Variants in CSMD1 observed in about 807,000 individuals in gnomAD.
CSMD1 encodes the protein CUB and sushi domain-containing protein 1.
In CSMD1, 213 loss-of-function variants were observed where a neutral mutation model predicts 417.5. That is an observed-to-expected ratio of 0.51 (90% confidence interval 0.46 to 0.57). The LOEUF (loss-of-function observed/expected upper bound fraction) is 0.57, where lower values mean the gene tolerates loss of function less well. Among genes scored for constraint, CSMD1 ranks in the 20% least tolerant of loss-of-function variants. The pLI is 0.00. For synonymous variants in CSMD1, 2,862 were observed against 1,736.8 expected (o/e 1.65, Z -16.11); for missense variants, 6,923 against 4,529.7 (o/e 1.53, Z -15.17).
At chr8:3,474,843 C>G (rs926919620) in intron 11 of CSMD1, among the ~76,000 whole-genome samples, 4 of 152,028 alleles carry the variant, frequency 2.6e-5, no homozygotes, top group East Asian at 1.9e-4. Flanking sequence ...ACATATTGTT[C>G]TGATTTAAAC....
At chr8:2,940,923 G>C (rs1400467755) in intron 69 of CSMD1, among the ~76,000 whole-genome samples, 2 of 152,302 alleles carry the variant, frequency 1.3e-5, no homozygotes, top group Admixed American at 6.5e-5. Context: ...ATATGACCCA[G>C]AGGAACCCGT....
chr8:4,900,332 A>T (rs1343183987), intron 1 of CSMD1, among the ~76,000 whole-genome samples: 1 of 152,112 alleles, frequency 6.6e-6, no homozygotes, highest in African/African-American at 2.4e-5. Flanking sequence ...GAATAGCTAC[A>T]CCATTTGTCA....
chr8:4,560,803 G>C (rs1798295957), intron 2 of CSMD1, among the ~76,000 whole-genome samples: 1 of 152,164 alleles, frequency 6.6e-6, no homozygotes, highest in African/African-American at 2.4e-5. Context: ...ACTTCCTAAT[G>C]ATTCTGCCTG....
intron 2 of CSMD1, among the ~76,000 whole-genome samples, chr8:4,459,789 T>C (rs1156237398): frequency 6.6e-6 from 1 of 152,210 alleles, no homozygotes; most frequent in Non-Finnish European, 1.5e-5. Context: ...AATTAATTTT[T>C]GCTGTTTAAA....
In CSMD1 at chr8:3,025,324, G is replaced by A. The variant is rs143039111; in HGVS notation, c.7855+3995C>T. On this transcript the variant is annotated intron_variant, in intron 51 of 69. Coordinates refer to ENST00000635120, the MANE Select transcript of CSMD1 (RefSeq NM_033225.6). ...TATTGTCTGGTGTTATTCTGAAACC[G>A]TGTATTGTGTGCTGTTATTCTGATA... 2.2e-3 allele frequency among the ~76,000 whole-genome samples: 336 copies of A among 151,766 alleles called. 5 individuals are homozygous for A. Among genetic ancestry groups the A allele is most frequent in the Non-Finnish European group, 4.1e-3 (278 of 67,918 alleles).
intron 18 of CSMD1, among the ~76,000 whole-genome samples, chr8:3,385,218 C>A (rs1004380270): frequency 6.9e-5 from 10 of 145,000 alleles, no homozygotes; most frequent in Non-Finnish European, 4.5e-5. Context: ...AAATCATATA[C>A]ATATACATGC....
chr8:4,003,364 G>T (rs914075877), intron 4 of CSMD1, among the ~76,000 whole-genome samples: 2 of 151,990 alleles, frequency 1.3e-5, no homozygotes, highest in African/African-American at 4.8e-5. Context: ...CTGCACTCCA[G>T]CCTGGGCGAC....
rs1052115711 is a variant in CSMD1, at chr8:2,954,126, G to C, written c.10039+98C>G. 8.4e-6 allele frequency: 5 copies of C among 592,816 alleles called. No individual in the cohort carries two copies. In the African/African-American group the frequency reaches 9.8e-5, roughly 12 times the overall value. The allele number at this position is 592,816 out of a possible 1,614,324, so 36.7% of individuals were successfully genotyped here. Reference sequence around the variant, plus strand: ...ACATTAACTTGGTCGTGGACTAACGGATTCAGAAATTTAAATGTTGAAAAT... The same window carrying C: ...ACATTAACTTGGTCGTGGACTAACGCATTCAGAAATTTAAATGTTGAAAAT... On this transcript the variant is annotated intron_variant, in intron 65 of 69. Transcript: ENST00000635120.
At chr8:4,459,491 T>A (rs1057046626) in intron 2 of CSMD1, among the ~76,000 whole-genome samples, 1 of 152,294 alleles carries the variant, frequency 6.6e-6, no homozygotes, top group South Asian at 2.1e-4. Context: ...AAATCCAAGG[T>A]TGCTCTCAAA....
intron 8 of CSMD1, among the ~76,000 whole-genome samples, chr8:3,599,808 C>G (rs1801275708): frequency 6.6e-6 from 1 of 152,192 alleles, no homozygotes; most frequent in Non-Finnish European, 1.5e-5. Context: ...TTCCTCCTGT[C>G]TTTCATCAAA....
intron 6 of CSMD1, among the ~76,000 whole-genome samples, chr8:3,742,416 G>A (rs982100207): frequency 3.9e-5 from 6 of 152,306 alleles, no homozygotes; most frequent in African/African-American, 1.4e-4. Context: ...TGCAGAAAGA[G>A]TCAGTAAATT....
intron 1 of CSMD1, among the ~76,000 whole-genome samples, chr8:4,874,205 T>C (rs946361059): frequency 1.3e-5 from 2 of 152,108 alleles, no homozygotes; most frequent in African/African-American, 2.4e-5. Context: ...GTGTGATTAA[T>C]AAGATCAAGA....
chr8:4,900,372 C>T (rs1013759726), intron 1 of CSMD1, among the ~76,000 whole-genome samples: 1 of 152,164 alleles, frequency 6.6e-6, no homozygotes, highest in Non-Finnish European at 1.5e-5. Context: ...TGGAGCAACC[C>T]TTGACGAACC....
intron 1 of CSMD1, among the ~76,000 whole-genome samples, chr8:4,839,435 T>C (rs1370874106): frequency 6.6e-6 from 1 of 152,302 alleles, no homozygotes; most frequent in African/African-American, 2.4e-5. Context: ...TTTCTAGTTC[T>C]GAAAAAAAGT....
intron 3 of CSMD1, among the ~76,000 whole-genome samples, chr8:4,058,164 G>A (rs945451315): frequency 1.2e-4 from 19 of 152,132 alleles, no homozygotes; most frequent in Non-Finnish European, 2.8e-4. Flanking sequence ...TCCTACCCAT[G>A]AGCATGGAAT....
chr8:3,949,453 A>G (rs1811455777), intron 5 of CSMD1, among the ~76,000 whole-genome samples: 1 of 152,194 alleles, frequency 6.6e-6, no homozygotes, highest in African/African-American at 2.4e-5. Flanking sequence ...TTTAAGGAAA[A>G]GGATACATTT....
chr8:3,959,358 G>C (rs994077319), intron 5 of CSMD1, among the ~76,000 whole-genome samples: 2 of 152,154 alleles, frequency 1.3e-5, no homozygotes, highest in Non-Finnish European at 2.9e-5. Flanking sequence ...AATTAGCTGG[G>C]TGTGATGGCG....
chr8:4,770,728 A>G (rs1389242585), intron 1 of CSMD1, among the ~76,000 whole-genome samples: 1 of 152,162 alleles, frequency 6.6e-6, no homozygotes, highest in Non-Finnish European at 1.5e-5. Context: ...AATCTTGTCA[A>G]AAAATGGTGT....
At chr8:4,542,529 G>A (rs1797437823) in intron 2 of CSMD1, among the ~76,000 whole-genome samples, 1 of 152,140 alleles carries the variant, frequency 6.6e-6, no homozygotes, top group Non-Finnish European at 1.5e-5. Context: ...TATGAATGCT[G>A]TTGCAAATTA....
Sources: gnomAD v4.1 joint callset for allele counts (sites outside exome capture counted in the v4.1 genomes callset) on GRCh38, gnomAD v4.1.1 for gene constraint, MANE v1.5 for transcripts, NCBI Gene and HGNC (gene_info 2026-07-23, HGNC 2026-07-21) for gene names.